The following MCF2 variants were observed in gnomAD, a reference collection of about 807,000 sequenced individuals.
MCF2 encodes the protein MCF.2 cell line derived transforming sequence.
MCF2 carries 44 observed loss-of-function variants against 82.5 expected under a neutral mutation model. That is an observed-to-expected ratio of 0.53 (90% CI 0.42 to 0.69). The LOEUF (loss-of-function observed/expected upper bound fraction) is 0.69. Among genes scored for constraint, MCF2 ranks in the 30% least tolerant of loss-of-function variants. The probability of loss-of-function intolerance (pLI) is 0.00; values close to 1 mark genes in which losing one functional copy is unlikely to be tolerated. For synonymous variants in MCF2, 217 were observed against 224.9 expected (o/e 0.96, Z 0.32); for missense variants, 623 against 663.1 (o/e 0.94, Z 0.66).
At chrX:139,630,789 C>T (rs1055963274) in intron 3 of MCF2, among the ~76,000 whole-genome samples, 3 of 111,824 alleles carry the variant, frequency 2.7e-5, no homozygotes, top group African/African-American at 9.7e-5. Context: ...GTGCAGGGCC[C>T]TTGCCTATTT....
At chrX:139,659,112 A>G (rs1934283936) in intron 1 of MCF2, among the ~76,000 whole-genome samples, 1 of 110,323 alleles carries the variant, frequency 9.1e-6, no homozygotes, top group Admixed American at 9.6e-5. Flanking sequence ...ACATGGTGAA[A>G]CCCTGTCGCT....
chrX:139,676,280 G>A (rs763188016), intron 1 of MCF2, among the ~76,000 whole-genome samples: 15 of 111,801 alleles, frequency 1.3e-4, no homozygotes, highest in Non-Finnish European at 2.1e-4. Flanking sequence ...TGTGCTTCCC[G>A]GGTGAGGTGA....
At chrX:139,595,368 A>C (rs2148410826) in intron 19 of MCF2, among the ~76,000 whole-genome samples, 1 of 109,935 alleles carries the variant, frequency 9.1e-6, no homozygotes, top group East Asian at 2.9e-4. Flanking sequence ...AAAATGTGGC[A>C]CATATACACC....
chrX:139,696,436 T>G (rs1432704782), intron 1 of MCF2, among the ~76,000 whole-genome samples: 2 of 109,771 alleles, frequency 1.8e-5, no homozygotes, highest in Admixed American at 1.9e-4. Flanking sequence ...TCTTTTGTTT[T>G]TGTTTGAGAC....
rs1345507708 is a variant in MCF2 at position 139,639,188 on chromosome X, C to T, written c.51+3280G>A. On this transcript the variant is annotated intron_variant, in intron 1 of 24. Transcript: ENST00000370576. The stretch of plus-strand genomic sequence containing the variant: ...ACATGAAAAAGCACAATTTCTTTTT[C>T]CCCAAAATAAAAACTGAGATTTTGA... Among the ~76,000 whole-genome samples, 6 of 111,171 alleles carry T rather than the reference C, an allele frequency of 5.4e-5. No homozygotes were observed. The East Asian group carries it at 1.7e-3, about 31-fold the overall frequency.
chrX:139,614,874 A>G lies in MCF2; in HGVS notation c.1363+7T>C. The G allele has an allele frequency of 8.4e-7, 1 of 1,196,843 alleles. No homozygotes were observed. Among genetic ancestry groups the G allele is most frequent in the East Asian group, 3.0e-5 (1 of 33,643 alleles). On this transcript the variant is annotated splice_region_variant and intron_variant, in intron 10 of 24. Coordinates refer to ENST00000370576, the Ensembl canonical transcript of MCF2. ...AAAAAAGAGACAGAGAAAGTAAGACATTTTACCTTGTTTAGATGAAAAAAA... is the reference window on the plus strand; with the variant it reads ...AAAAAAGAGACAGAGAAAGTAAGACGTTTTACCTTGTTTAGATGAAAAAAA...
rs183502972 is a variant in MCF2, at chrX:139,705,674, T to G, written c.-45+2432A>C. On this transcript the variant is annotated intron_variant, in intron 1 of 27. Coordinates refer to the MCF2 transcript ENST00000414978. ...CCTTGGTAAAGAATTTTTGGCTAAG[T>G]CCCTAAAAGCAATTGCAATAAAACC... is the stretch of plus-strand genomic sequence containing the variant. Among the ~76,000 whole-genome samples, 5 of 112,121 alleles carry G rather than the reference T, an allele frequency of 4.5e-5. No individual in the cohort carries two copies. The Admixed American group carries it at 4.7e-4, about 11-fold the overall frequency.
intron 20 of MCF2, among the ~76,000 whole-genome samples, chrX:139,589,039 T>A (rs1929255772): frequency 8.9e-6 from 1 of 111,803 alleles, no homozygotes; most frequent in African/African-American, 3.2e-5. Flanking sequence ...AGGATTCTTT[T>A]TAAAATATAA....
intron 1 of MCF2, among the ~76,000 whole-genome samples, chrX:139,640,461 A>G (rs1160358858): frequency 4.5e-5 from 5 of 111,809 alleles, no homozygotes; most frequent in Non-Finnish European, 9.4e-5. Context: ...TGACGTCAGG[A>G]GGATAGCCCA....
intron 2 of MCF2, among the ~76,000 whole-genome samples, chrX:139,648,379 C>T (rs976672797): frequency 9.1e-6 from 1 of 109,292 alleles, no homozygotes; most frequent in African/African-American, 3.3e-5. Flanking sequence ...CTCTCCACGC[C>T]CCCCCCAAAA....
At chrX:139,598,358 T>C in intron 17 of MCF2, 48 bp downstream of exon 21, 1 of 839,301 alleles carries the variant, frequency 1.2e-6, no homozygotes, top group Non-Finnish European at 1.8e-6. Context: ...GGCTCTGTCA[T>C]ATCTGACTCA....
At chrX:139,668,886 A>C (rs952879066) in intron 1 of MCF2, among the ~76,000 whole-genome samples, 1 of 111,058 alleles carries the variant, frequency 9.0e-6, no homozygotes, top group Non-Finnish European at 1.9e-5. Context: ...TATATATATA[A>C]AAATTAACTA....
chrX:139,691,410 A>G (rs1935259898), intron 1 of MCF2, among the ~76,000 whole-genome samples: 1 of 111,841 alleles, frequency 8.9e-6, no homozygotes, highest in African/African-American at 3.3e-5. Context: ...ATTACAAGGG[A>G]AGTGCACTCC....
At chrX:139,626,710 T>C in exon 5 of MCF2, 1 of 1,209,488 alleles carries the variant, frequency 8.3e-7, no homozygotes, top group Non-Finnish European at 1.1e-6. Context: ...CACTTCCAGA[T>C]TTGTTAGCAG....
exon 9 of MCF2, chrX:139,616,419 T>C: frequency 8.5e-7 from 1 of 1,180,065 alleles, no homozygotes; most frequent in African/African-American, 1.8e-5. Flanking sequence ...GACTGAAACT[T>C]ATCTATTTCC....
chrX:139,584,626 C>T (rs550504276), intron 24 of MCF2, among the ~76,000 whole-genome samples: 4 of 111,939 alleles, frequency 3.6e-5, no homozygotes, highest in African/African-American at 1.3e-4. Flanking sequence ...TTTGAGAACA[C>T]ACTAAAATAT....
At chrX:139,690,034 A>C (rs1935220680) in intron 1 of MCF2, among the ~76,000 whole-genome samples, 1 of 112,491 alleles carries the variant, frequency 8.9e-6, no homozygotes. Context: ...TTGTTGTACT[A>C]TAGTGTGTAC....
chrX:139,586,463 A>T, exon 23 of MCF2: 1 of 1,204,827 alleles, frequency 8.3e-7, no homozygotes, highest in Admixed American at 2.2e-5. Flanking sequence ...TTTCCTCAGT[A>T]CTTATAAAAG....
intron 1 of MCF2, among the ~76,000 whole-genome samples, chrX:139,657,917 C>A (rs1934241983): frequency 9.0e-6 from 1 of 111,719 alleles, no homozygotes; most frequent in Non-Finnish European, 1.9e-5. Flanking sequence ...GGAAGATAGA[C>A]AATCCCTTTC....
Sources: allele counts gnomAD v4.1 joint callset (sites outside exome capture counted in the v4.1 genomes callset), GRCh38; gene constraint gnomAD v4.1.1; transcripts MANE v1.5; gene names NCBI Gene and HGNC (gene_info 2026-07-23, HGNC 2026-07-21).